The following RUNDC3B variants were observed in gnomAD, a reference collection of about 807,000 sequenced individuals.
RUNDC3B encodes the protein RUN domain-containing protein 3B.
In RUNDC3B, 33 loss-of-function variants were observed where a neutral mutation model predicts 58.4. That is an observed-to-expected ratio of 0.56 (90% CI 0.43 to 0.75). The LOEUF (loss-of-function observed/expected upper bound fraction) is 0.75. RUNDC3B is among the 30% of genes least tolerant of loss of function. RUNDC3B has a pLI of 0.00. For missense variants in RUNDC3B, 501 were observed against 535.7 expected (o/e 0.94, Z 0.64); for synonymous variants, 193 against 195.2 (o/e 0.99, Z 0.10).
chr7:87,741,130 G>A (rs939677779), intron 5 of RUNDC3B, among the ~76,000 whole-genome samples: 2 of 151,700 alleles, frequency 1.3e-5, no homozygotes, highest in Admixed American at 6.6e-5. Flanking sequence ...GCTGGAACCC[G>A]GGAGGCAGAG....
At chr7:87,759,722 C>T (rs962814745) in intron 6 of RUNDC3B, among the ~76,000 whole-genome samples, 9 of 145,244 alleles carry the variant, frequency 6.2e-5, no homozygotes, top group Non-Finnish European at 1.2e-4. Context: ...TGCTTAAGCT[C>T]AGGAGTTTGA....
chr7:87,703,922 T>G, intron 3 of RUNDC3B, among the ~76,000 whole-genome samples: 60 of 114,574 alleles, frequency 5.2e-4, no homozygotes, highest in African/African-American at 1.9e-3. Flanking sequence ...TGGTTTTTTT[T>G]TTTTTTTTTT....
At chr7:87,827,843 C>T (rs769248332) in intron 10 of RUNDC3B, among the ~76,000 whole-genome samples, 1 of 152,048 alleles carries the variant, frequency 6.6e-6, no homozygotes, top group Non-Finnish European at 1.5e-5. Context: ...ATAGAACAGT[C>T]TCAAAAATGT....
At chr7:87,647,434 C>A (rs968543577) in intron 1 of RUNDC3B, among the ~76,000 whole-genome samples, 1 of 152,086 alleles carries the variant, frequency 6.6e-6, no homozygotes, top group Non-Finnish European at 1.5e-5. Context: ...GTAATATAAT[C>A]TAATTGTCTT....
intron 3 of RUNDC3B, among the ~76,000 whole-genome samples, chr7:87,704,093 G>A (rs1829382603): frequency 6.6e-6 from 1 of 150,984 alleles, no homozygotes; most frequent in Middle Eastern, 3.4e-3. Context: ...GCTAATTTTT[G>A]TATTTTTAGT....
chr7:87,630,264 T>C (rs952619276), intron 1 of RUNDC3B, among the ~76,000 whole-genome samples: 3 of 152,240 alleles, frequency 2.0e-5, no homozygotes, highest in Non-Finnish European at 4.4e-5. Flanking sequence ...AGGACTTAAA[T>C]GCAATAACTC....
intron 2 of RUNDC3B, among the ~76,000 whole-genome samples, chr7:87,652,768 C>T (rs1823714437): frequency 1.3e-5 from 2 of 151,360 alleles, no homozygotes; most frequent in South Asian, 4.2e-4. Flanking sequence ...ATTGCTTTTA[C>T]TTTTGGAGAA....
intron 9 of RUNDC3B, 47 bp from the exon 10 acceptor site, chr7:87,816,094 T>A (rs1413120528): frequency 1.4e-6 from 2 of 1,393,956 alleles, no homozygotes; most frequent in East Asian, 2.3e-5. Flanking sequence ...AAGAAATTAT[T>A]TTTTTGTGAA....
intron 4 of RUNDC3B, among the ~76,000 whole-genome samples, chr7:87,715,183 T>A (rs1043342643): frequency 2.8e-5 from 4 of 140,792 alleles, no homozygotes; most frequent in African/African-American, 1.0e-4. Context: ...GAGGGAAATA[T>A]AAATATTATA....
At chr7:87,788,344 T>G (rs1178132234) in intron 8 of RUNDC3B, among the ~76,000 whole-genome samples, 1 of 152,192 alleles carries the variant, frequency 6.6e-6, no homozygotes, top group African/African-American at 2.4e-5. Context: ...ATAAGTGCAT[T>G]CCAGTCTGGG....
chr7:87,636,894 G>A (rs1360262439), intron 1 of RUNDC3B, among the ~76,000 whole-genome samples: 1 of 152,168 alleles, frequency 6.6e-6, no homozygotes, highest in Non-Finnish European at 1.5e-5. Context: ...GGTCTGCAGG[G>A]CTGGGGAGGC....
intron 10 of RUNDC3B, among the ~76,000 whole-genome samples, chr7:87,829,453 C>A (rs1208744820): frequency 2.0e-5 from 3 of 152,106 alleles, no homozygotes; most frequent in Non-Finnish European, 4.4e-5. Flanking sequence ...AATAGAGAGT[C>A]TTTTTCCCAT....
intron 8 of RUNDC3B, among the ~76,000 whole-genome samples, chr7:87,782,624 C>A (rs546483483): frequency 4.6e-5 from 7 of 152,132 alleles, no homozygotes; most frequent in African/African-American, 1.7e-4. Context: ...AAACTTTTAA[C>A]ACTATTTTTG....
Position 87,770,610 on chromosome 7 carries a change from A to T in RUNDC3B, c.659A>T (p.Glu220Val). 1 of 1,613,516 alleles carries T rather than the reference A, an allele frequency of 6.2e-7. No homozygotes were observed. The highest frequency in any genetic ancestry group is 8.5e-7 in the Non-Finnish European group (1 of 1,179,710). Residue 220 changes from glutamate (E) to valine (V), a missense_variant, in exon 7 of 11, where the codon GAG becomes GTG. Physicochemically the swap from Glu to Val is moderately radical, Grantham distance 121 (BLOSUM62 -2). Coordinates refer to ENST00000394654, the MANE Select transcript of RUNDC3B (RefSeq NM_001134405.2). The part of the protein sequence containing the change: ...SSDSISSDEE[E>V]LRTLGSSGSE... ...GATAGTATCAGCAGTGATGAGGAGG[A>T]GCTAAGGACTTTGGGAAGCAGTGGT...
At chr7:87,749,486 T>C (rs1215178345) in intron 6 of RUNDC3B, among the ~76,000 whole-genome samples, 1 of 152,190 alleles carries the variant, frequency 6.6e-6, no homozygotes, top group East Asian at 1.9e-4. Context: ...AACCTAGTCA[T>C]AAGCCAGTTA....
intron 8 of RUNDC3B, among the ~76,000 whole-genome samples, chr7:87,791,472 A>G (rs185619825): frequency 6.6e-6 from 1 of 152,160 alleles, no homozygotes; most frequent in African/African-American, 2.4e-5. Context: ...ACTCTTAAGT[A>G]AAAAGACTAA....
chr7:87,675,653 CAAAA>C (rs200136132), intron 2 of RUNDC3B, among the ~76,000 whole-genome samples: 13 of 65,848 alleles, frequency 2.0e-4, no homozygotes, highest in South Asian at 5.2e-4. Context: ...TATTCACATG[CAAAA>C]AAAAAAAAAA....
chr7:87,741,681 C>T, intron 6 of RUNDC3B, 102 bp downstream of exon 6: 1 of 637,308 alleles, frequency 1.6e-6, no homozygotes. Context: ...AATATTCGTT[C>T]CAATATCAGA....
intron 4 of RUNDC3B, among the ~76,000 whole-genome samples, chr7:87,726,869 CATGATTTGGCTCTCTGTTTGTCTGT>C (rs1385996983): frequency 6.6e-6 from 1 of 152,110 alleles, no homozygotes; most frequent in Non-Finnish European, 1.5e-5. Flanking sequence ...GGAGTTCACT[CATGATTTGGCTCTCTGTTTGTCTGT>C]TATTGGTGTA....
Sources: allele counts gnomAD v4.1 joint callset (sites outside exome capture counted in the v4.1 genomes callset), GRCh38; gene constraint gnomAD v4.1.1; transcripts MANE v1.5; gene names NCBI Gene and HGNC (gene_info 2026-07-23, HGNC 2026-07-21).